ANO10: variants seen among roughly 807,000 people sequenced by gnomAD.
ANO10 encodes anoctamin 10.
In ANO10, 77 loss-of-function variants were observed where a neutral mutation model predicts 74.7. The ratio of observed to expected loss-of-function variants is 1.03; its 90% CI spans 0.86 to 1.25. The LOEUF (loss-of-function observed/expected upper bound fraction) is 1.25. ANO10 is among the 50% of genes most tolerant of loss of function. The pLI, the probability that ANO10 is intolerant of heterozygous loss-of-function variation, is 0.00. For missense variants in ANO10, 721 were observed against 778.1 expected (o/e 0.93, Z 0.87); for synonymous variants, 279 against 284.9 (o/e 0.98, Z 0.21).
At chr3:43,625,526 C>T (rs975409633), upstream of ANO10, among the ~76,000 whole-genome samples, 2 of 152,096 alleles carry the variant, frequency 1.3e-5, no homozygotes, top group Non-Finnish European at 2.9e-5. Context: ...CAGCAGTGGA[C>T]TTACTCTATT....
At position 43,366,278 on chromosome 3, in the gene ANO10, G is replaced by A. The variant is rs1482697176; in HGVS notation, c.*628C>T. ...CTGATCTCACCGCTCCACCTTCAGT[G>A]ACCTCACCAAGTGCTTCAGAAAAGG... On this transcript the variant is annotated 3_prime_UTR_variant, in exon 13 of 13. Coordinates refer to ENST00000292246, the MANE Select transcript of ANO10 (RefSeq NM_018075.5). 2 of 158,364 alleles carry A rather than the reference G, an allele frequency of 1.3e-5. No homozygotes were observed. Among genetic ancestry groups the A allele is most frequent in the Non-Finnish European group, 2.8e-5 (2 of 71,446 alleles). 9.8% of individuals were successfully genotyped at this position (158,364 alleles called of 1,614,324 possible).
At chr3:43,411,946 T>C (rs1286081751) in intron 12 of ANO10, among the ~76,000 whole-genome samples, 1 of 151,584 alleles carries the variant, frequency 6.6e-6, no homozygotes, top group Non-Finnish European at 1.5e-5. Flanking sequence ...TTGAGCTCCC[T>C]GTGCCTGTGG....
At chr3:43,469,029 A>G (rs1420054673) in intron 11 of ANO10, among the ~76,000 whole-genome samples, 1 of 138,218 alleles carries the variant, frequency 7.2e-6, no homozygotes, top group East Asian at 2.2e-4. Context: ...ATCCTACATC[A>G]ATTAGCTGCT....
chr3:43,395,552 T>C (rs2092360794), intron 12 of ANO10, among the ~76,000 whole-genome samples: 1 of 152,232 alleles, frequency 6.6e-6, no homozygotes, highest in Non-Finnish European at 1.5e-5. Flanking sequence ...TATTCTCTAC[T>C]GCATGGTCTT....
intron 12 of ANO10, among the ~76,000 whole-genome samples, chr3:43,370,382 T>C (rs1449412648): frequency 6.6e-6 from 1 of 152,172 alleles, no homozygotes; most frequent in Non-Finnish European, 1.5e-5. Context: ...TCTGATTTGT[T>C]GTCTGTCACC....
chr3:43,472,034 A>G (rs2075875891), intron 11 of ANO10, among the ~76,000 whole-genome samples: 1 of 152,246 alleles, frequency 6.6e-6, no homozygotes, highest in African/African-American at 2.4e-5. Flanking sequence ...TGGTATATCC[A>G]CACGATAGTA....
chr3:43,535,465 G>A (rs1356360480), intron 11 of ANO10, among the ~76,000 whole-genome samples: 2 of 151,590 alleles, frequency 1.3e-5, no homozygotes, highest in Admixed American at 6.6e-5. Context: ...TAGTAGAGAC[G>A]GGATTTCAAC....
intron 1 of ANO10, among the ~76,000 whole-genome samples, chr3:43,665,305 G>T (rs780616997): frequency 6.6e-6 from 1 of 152,008 alleles, no homozygotes; most frequent in Non-Finnish European, 1.5e-5. Context: ...GTTCTTACTC[G>T]TAAGGGGGAG....
At chr3:43,388,210 G>A (rs1007126779) in intron 12 of ANO10, among the ~76,000 whole-genome samples, 36 of 152,174 alleles carry the variant, frequency 2.4e-4, no homozygotes, top group Non-Finnish European at 1.9e-4. Flanking sequence ...AACCACACCA[G>A]GTTCCTCCTG....
chr3:43,655,070 T>C (rs567777444), intron 1 of ANO10, among the ~76,000 whole-genome samples: 2 of 152,220 alleles, frequency 1.3e-5, no homozygotes, highest in Non-Finnish European at 2.9e-5. Context: ...TCAGAAAAGC[T>C]TCTAACAATC....
chr3:43,532,872 G>A lies in ANO10; in HGVS notation c.1797+16848C>T, dbSNP rs2078536054. Among the ~76,000 whole-genome samples the A allele has an allele frequency of 2.0e-5, 3 of 152,262 alleles. No individual in the cohort carries two copies. In the South Asian group the frequency reaches 6.2e-4, roughly 32 times the overall value. ...GTAAGGTTTCAGTCTAAGTGAGGAG[G>A]GGAATTCATGTAAAGCACATGCCCT... On this transcript the variant is annotated intron_variant, in intron 11 of 12. Transcript: ENST00000292246.
chr3:43,415,849 G>C (rs1031668250), intron 12 of ANO10, among the ~76,000 whole-genome samples: 4 of 152,088 alleles, frequency 2.6e-5, no homozygotes, highest in African/African-American at 9.7e-5. Context: ...GCCAAAAAAT[G>C]ACAATTCTTT....
chr3:43,509,219 G>T (rs1354830434), intron 11 of ANO10, among the ~76,000 whole-genome samples: 1 of 151,918 alleles, frequency 6.6e-6, no homozygotes, highest in East Asian at 1.9e-4. Context: ...GGCCTGTTGT[G>T]GGGTGGAGGG....
At chr3:43,466,399 A>AAAAC (rs397989356) in intron 11 of ANO10, among the ~76,000 whole-genome samples, 1 of 149,694 alleles carries the variant, frequency 6.7e-6, no homozygotes, top group East Asian at 1.9e-4. Flanking sequence ...AAACAAAAAA[A>AAAAC]CCAGTAATCA....
intron 1 of ANO10, among the ~76,000 whole-genome samples, chr3:43,641,988 C>T (rs1251401488): frequency 1.3e-5 from 2 of 152,162 alleles, no homozygotes; most frequent in Non-Finnish European, 1.5e-5. Flanking sequence ...ACTGTAGACT[C>T]ATGCCATTTC....
chr3:43,509,574 T>C (rs2077434080), intron 11 of ANO10, among the ~76,000 whole-genome samples: 1 of 152,146 alleles, frequency 6.6e-6, no homozygotes, highest in Non-Finnish European at 1.5e-5. Context: ...ATGGAGAAAC[T>C]AGATCACTCA....
intron 11 of ANO10, among the ~76,000 whole-genome samples, chr3:43,454,056 G>C (rs1273635115): frequency 6.6e-6 from 1 of 152,220 alleles, no homozygotes; most frequent in Non-Finnish European, 1.5e-5. Context: ...CTAAAATGTA[G>C]ACAGGATAGC....
intron 1 of ANO10, among the ~76,000 whole-genome samples, chr3:43,660,717 G>A (rs1374455552): frequency 6.6e-6 from 1 of 152,218 alleles, no homozygotes; most frequent in Non-Finnish European, 1.5e-5. Flanking sequence ...CACTTTGGGA[G>A]GCCAAGGCTG....
intron 12 of ANO10, among the ~76,000 whole-genome samples, chr3:43,387,511 G>A (rs1406669916): frequency 6.6e-6 from 1 of 152,176 alleles, no homozygotes; most frequent in Non-Finnish European, 1.5e-5. Context: ...ACACGCAGCT[G>A]GGAGCAGTCT....
Sources: gnomAD v4.1 joint callset for allele counts (sites outside exome capture counted in the v4.1 genomes callset) on GRCh38, gnomAD v4.1.1 for gene constraint, MANE v1.5 for transcripts, NCBI Gene and HGNC (gene_info 2026-07-23, HGNC 2026-07-21) for gene names.